The following NKAIN3 variants were observed in gnomAD, a reference collection of about 807,000 sequenced individuals.
NKAIN3 encodes sodium/potassium-transporting ATPase subunit beta-1-interacting protein 3.
A neutral mutation model predicts 30.2 loss-of-function variants in NKAIN3; 25 were observed. The ratio of observed to expected loss-of-function variants is 0.83; its 90% CI spans 0.60 to 1.16. The LOEUF is 1.16. NKAIN3 is among the 50% of genes most tolerant of loss of function. The pLI is 0.00. For missense variants in NKAIN3, 225 were observed against 254.1 expected, an observed-to-expected ratio of 0.89 and a Z score of 0.78; for synonymous variants, 91 against 89.6, an observed-to-expected ratio of 1.02 and a Z score of -0.09.
At chr8:62,293,290 T>C (rs1450581792) in intron 1 of NKAIN3, among the ~76,000 whole-genome samples, 1 of 152,244 alleles carries the variant, frequency 6.6e-6, no homozygotes, top group East Asian at 1.9e-4. Flanking sequence ...GGAGCTGCGT[T>C]CCTTTGGAGG....
chr8:62,674,912 C>G (rs977383103), intron 3 of NKAIN3, among the ~76,000 whole-genome samples: 1 of 152,190 alleles, frequency 6.6e-6, no homozygotes, highest in Non-Finnish European at 1.5e-5. Flanking sequence ...GGGGACAGGT[C>G]TGGCATCCAG....
chr8:62,588,681 T>A (rs1810556826), intron 2 of NKAIN3, among the ~76,000 whole-genome samples: 2 of 151,920 alleles, frequency 1.3e-5, no homozygotes, highest in Non-Finnish European at 1.5e-5. Context: ...TTTCAGTATT[T>A]ATTTTAATTT....
At chr8:62,901,451 AAG>A (rs917863242) in intron 4 of NKAIN3, among the ~76,000 whole-genome samples, 1 of 152,092 alleles carries the variant, frequency 6.6e-6, no homozygotes, top group Non-Finnish European at 1.5e-5. Context: ...AAGAAAAAAG[AAG>A]AGAGAGAGAG....
intron 5 of NKAIN3, among the ~76,000 whole-genome samples, chr8:62,925,196 G>C (rs371753448): frequency 3.3e-4 from 51 of 152,254 alleles, no homozygotes; most frequent in African/African-American, 1.2e-3. Flanking sequence ...AAAAGGTGGA[G>C]ATCATATCTT....
intron 4 of NKAIN3, chr8:62,855,443 A>T: frequency 8.5e-7 from 1 of 1,171,016 alleles, no homozygotes; most frequent in Non-Finnish European, 1.3e-6. Flanking sequence ...TGAATACTTC[A>T]TCTTGGGTCT....
intron 4 of NKAIN3, among the ~76,000 whole-genome samples, chr8:62,802,817 G>A (rs1818118042): frequency 6.6e-6 from 1 of 152,156 alleles, no homozygotes; most frequent in East Asian, 1.9e-4. Flanking sequence ...GACACACACT[G>A]GCAAACTGGA....
chr8:62,362,603 G>A (rs193294588), intron 1 of NKAIN3, among the ~76,000 whole-genome samples: 2 of 152,262 alleles, frequency 1.3e-5, no homozygotes, highest in African/African-American at 4.8e-5. Context: ...CAAAAGTGAA[G>A]GACACCACAA....
At chr8:62,470,608 T>C (rs1806298774) in intron 1 of NKAIN3, among the ~76,000 whole-genome samples, 1 of 152,144 alleles carries the variant, frequency 6.6e-6, no homozygotes, top group Non-Finnish European at 1.5e-5. Context: ...TGCATTGCAG[T>C]GTTCATCACA....
chr8:62,322,812 A>C (rs1311186351), intron 1 of NKAIN3, among the ~76,000 whole-genome samples: 1 of 152,232 alleles, frequency 6.6e-6, no homozygotes, highest in Non-Finnish European at 1.5e-5. Context: ...AAGGGCTAGT[A>C]TCCAACATAT....
intron 3 of NKAIN3, among the ~76,000 whole-genome samples, chr8:62,717,502 T>C (rs537801652): frequency 1.4e-5 from 2 of 138,140 alleles, no homozygotes; most frequent in Non-Finnish European, 1.5e-5. Flanking sequence ...TAATTAAGGG[T>C]TTTTTTTTTT....
At chr8:62,615,166 G>GA (rs398086628) in intron 3 of NKAIN3, among the ~76,000 whole-genome samples, 1 of 47,114 alleles carries the variant, frequency 2.1e-5, no homozygotes, top group African/African-American at 5.1e-4. Context: ...GGTAGTACCT[G>GA]GTATTGCTGC....
intron 3 of NKAIN3, among the ~76,000 whole-genome samples, chr8:62,700,186 G>T (rs969667132): frequency 2.0e-5 from 3 of 152,160 alleles, no homozygotes; most frequent in African/African-American, 4.8e-5. Flanking sequence ...GGTAGTTTAG[G>T]TTATGTCTCT....
chr8:62,652,111 G>T (rs75635133), intron 3 of NKAIN3, among the ~76,000 whole-genome samples: 2,924 of 152,064 alleles, frequency 0.019, 93 homozygotes, highest in African/African-American at 0.067. Context: ...AACCCATAGG[G>T]GGTCCATCTC....
chr8:62,731,271 A>ACC (rs1449564358), intron 3 of NKAIN3, among the ~76,000 whole-genome samples: 2 of 134,570 alleles, frequency 1.5e-5, no homozygotes, highest in Non-Finnish European at 3.3e-5. Context: ...ACACACACAC[A>ACC]CACCCTTCCT....
chr8:62,642,158 C>T (rs961829), intron 3 of NKAIN3, among the ~76,000 whole-genome samples: 36,751 of 152,010 alleles, frequency 0.24, 4,679 homozygotes, highest in East Asian at 0.34. Context: ...AATGCTCCTA[C>T]ACCCATCTGT....
intron 1 of NKAIN3, among the ~76,000 whole-genome samples, chr8:62,450,031 A>G (rs1805595314): frequency 6.6e-6 from 1 of 152,184 alleles, no homozygotes; most frequent in Non-Finnish European, 1.5e-5. Flanking sequence ...ATTTTCTGCT[A>G]TTATGATTAA....
intron 3 of NKAIN3, among the ~76,000 whole-genome samples, chr8:62,663,910 T>A (rs1380206589): frequency 6.6e-6 from 1 of 152,190 alleles, no homozygotes; most frequent in African/African-American, 2.4e-5. Flanking sequence ...TTAGGAGTTA[T>A]ATGGAGCTTC....
At chr8:62,961,300 TCAA>T (rs1472236594) in intron 6 of NKAIN3, among the ~76,000 whole-genome samples, 3 of 148,988 alleles carry the variant, frequency 2.0e-5, no homozygotes, top group African/African-American at 7.3e-5. Context: ...AAAAAGTGGG[TCAA>T]CGAGACATTT....
intron 3 of NKAIN3, among the ~76,000 whole-genome samples, chr8:62,668,592 G>A (rs1027005426): frequency 7.9e-5 from 12 of 152,066 alleles, no homozygotes; most frequent in African/African-American, 2.7e-4. Context: ...TCCACACTGC[G>A]CAATCATCTA....
Sources: allele counts gnomAD v4.1 joint callset (sites outside exome capture counted in the v4.1 genomes callset), GRCh38; gene constraint gnomAD v4.1.1; transcripts MANE v1.5; gene names NCBI Gene and HGNC (gene_info 2026-07-23, HGNC 2026-07-21).